The following MAP2 variants were observed in gnomAD, a reference collection of about 807,000 sequenced individuals.
MAP2 encodes microtubule associated protein 2, also known as microtubule-associated protein 2.
Under a neutral mutation model 137.6 loss-of-function variants are expected in MAP2, and 14 were observed. That is an observed-to-expected ratio of 0.10 (90% CI 0.07 to 0.16). The LOEUF (loss-of-function observed/expected upper bound fraction) is 0.16. MAP2 is among the 10% of genes least tolerant of loss of function. MAP2 has a pLI of 1.00. For missense variants in MAP2, 2,088 were observed against 2,191.5 expected (o/e 0.95, Z 0.94); for synonymous variants, 786 against 782.3 (o/e 1.00, Z -0.08).
intron 3 of MAP2, among the ~76,000 whole-genome samples, chr2:209,591,689 G>A (rs1209707053): frequency 6.6e-6 from 1 of 152,100 alleles, no homozygotes; most frequent in Non-Finnish European, 1.5e-5. Flanking sequence ...AAACCATTTT[G>A]ATAATTGCTA....
chr2:209,721,835 T>G (rs2071150758), intron 13 of MAP2: 1 of 152,190 alleles, frequency 6.6e-6, no homozygotes, highest in African/African-American at 2.4e-5. Context: ...GTAAAATAGC[T>G]CACATCATGT....
At chr2:209,673,001 A>G (rs1478719349) in intron 5 of MAP2, among the ~76,000 whole-genome samples, 1 of 151,686 alleles carries the variant, frequency 6.6e-6, no homozygotes, top group Non-Finnish European at 1.5e-5. Flanking sequence ...TTTCCAGAGG[A>G]CTGCTTTGAT....
chr2:209,686,351 C>A (rs1254842078), intron 7 of MAP2, among the ~76,000 whole-genome samples: 1 of 152,134 alleles, frequency 6.6e-6, no homozygotes, highest in Non-Finnish European at 1.5e-5. Context: ...ATTTTAGTAT[C>A]CTCATGATTT....
chr2:209,528,848 GTGTGTGTGTATA>G (rs746401392), intron 2 of MAP2, among the ~76,000 whole-genome samples: 243 of 141,086 alleles, frequency 1.7e-3, no homozygotes, highest in African/African-American at 3.8e-3. Context: ...GTATATATAT[GTGTGTGTGTATA>G]TGTGTGTGTA....
chr2:209,680,922 T>C, intron 7 of MAP2, 95 bp downstream of exon 7: 3 of 864,834 alleles, frequency 3.5e-6, no homozygotes, highest in Non-Finnish European at 5.5e-6. Flanking sequence ...TTGGTTAGTA[T>C]GTGACCAAGC....
chr2:209,702,895 C>T (rs1282772318), intron 11 of MAP2, among the ~76,000 whole-genome samples: 1 of 152,026 alleles, frequency 6.6e-6, no homozygotes, highest in African/African-American at 2.4e-5. Flanking sequence ...TTTTATCTGT[C>T]ATTTCTGTAA....
At chr2:209,618,842 G>A (rs2090320098) in intron 3 of MAP2, among the ~76,000 whole-genome samples, 1 of 152,114 alleles carries the variant, frequency 6.6e-6, no homozygotes, top group Non-Finnish European at 1.5e-5. Flanking sequence ...TATGATGATT[G>A]CAACATTATT....
chr2:209,472,452 C>CA (rs1339412980), intron 1 of MAP2, among the ~76,000 whole-genome samples: 8 of 152,120 alleles, frequency 5.3e-5, no homozygotes, highest in Non-Finnish European at 1.2e-4. Flanking sequence ...AGGGTATAGC[C>CA]AGCCCTGGGT....
At chr2:209,504,399 A>G (rs2060782231) in intron 1 of MAP2, among the ~76,000 whole-genome samples, 1 of 152,232 alleles carries the variant, frequency 6.6e-6, no homozygotes, top group African/African-American at 2.4e-5. Flanking sequence ...TGTGTTAAAG[A>G]GCAATTAGCA....
intron 1 of MAP2, among the ~76,000 whole-genome samples, chr2:209,491,368 A>C (rs945978775): frequency 6.6e-6 from 1 of 152,208 alleles, no homozygotes; most frequent in Non-Finnish European, 1.5e-5. Flanking sequence ...TTGACATCCT[A>C]ACATCACAAT....
intron 1 of MAP2, among the ~76,000 whole-genome samples, chr2:209,463,128 T>C (rs922378096): frequency 3.3e-5 from 5 of 152,122 alleles, no homozygotes; most frequent in African/African-American, 1.2e-4. Context: ...TGATAAATGT[T>C]GAGATGAGAA....
chr2:209,512,576 CACACACACACACACACACACACACAA>C (rs1219884133), intron 2 of MAP2, among the ~76,000 whole-genome samples: 1 of 148,652 alleles, frequency 6.7e-6, no homozygotes, highest in Non-Finnish European at 1.5e-5. Flanking sequence ...CACACACACA[CACACACACACACACACACACACACAA>C]ACACATATAT....
chr2:209,653,749 T>A (rs547992601), intron 5 of MAP2, among the ~76,000 whole-genome samples: 14 of 152,336 alleles, frequency 9.2e-5, no homozygotes, highest in African/African-American at 3.1e-4. Flanking sequence ...AGTTTTTTTT[T>A]AATTCTCTTA....
intron 1 of MAP2, among the ~76,000 whole-genome samples, chr2:209,448,279 G>A (rs765458712): frequency 9.2e-5 from 14 of 152,060 alleles, no homozygotes; most frequent in South Asian, 4.1e-4. Flanking sequence ...TGGGAGGTAG[G>A]TAGCTGTTAT....
intron 3 of MAP2, among the ~76,000 whole-genome samples, chr2:209,612,222 C>G (rs2087173286): frequency 6.6e-6 from 1 of 152,122 alleles, no homozygotes; most frequent in African/African-American, 2.4e-5. Flanking sequence ...GAAAAGAGCT[C>G]TTTGCCAATA....
At chr2:209,634,244 C>T (rs1032506356) in intron 4 of MAP2, among the ~76,000 whole-genome samples, 9 of 152,176 alleles carry the variant, frequency 5.9e-5, no homozygotes, top group Admixed American at 2.6e-4. Flanking sequence ...AATCCTGCTA[C>T]TTCTATTAGT....
chr2:209,618,374 C>A (rs1005002761), intron 3 of MAP2, among the ~76,000 whole-genome samples: 4 of 152,108 alleles, frequency 2.6e-5, no homozygotes, highest in Non-Finnish European at 5.9e-5. Context: ...ATACAAAAGT[C>A]CTTGAGGCTA....
intron 1 of MAP2, among the ~76,000 whole-genome samples, chr2:209,500,499 A>G (rs1188559022): frequency 2.0e-5 from 3 of 152,068 alleles, no homozygotes; most frequent in Non-Finnish European, 4.4e-5. Context: ...CTCAAATGCA[A>G]CTTCCTCTGT....
intron 1 of MAP2, among the ~76,000 whole-genome samples, chr2:209,499,767 CAG>C (rs941720388): frequency 5.9e-5 from 9 of 151,990 alleles, no homozygotes; most frequent in South Asian, 4.2e-4. Flanking sequence ...GAAAGAGAGA[CAG>C]GGGGTGGGGA....
Sources: gnomAD v4.1 joint callset for allele counts (sites outside exome capture counted in the v4.1 genomes callset) on GRCh38, gnomAD v4.1.1 for gene constraint, MANE v1.5 for transcripts, NCBI Gene and HGNC (gene_info 2026-07-23, HGNC 2026-07-21) for gene names.